Variants in PDE1C observed in about 807,000 individuals in gnomAD.
The protein encoded by PDE1C is phosphodiesterase 1C.
Under a neutral mutation model 93.1 loss-of-function variants are expected in PDE1C, and 62 were observed. The ratio of observed to expected loss-of-function variants is 0.67; its 90% CI spans 0.54 to 0.82. The LOEUF is 0.82. Among genes scored for constraint, PDE1C ranks in the 40% least tolerant of loss-of-function variants. PDE1C has a pLI of 0.00. For missense variants in PDE1C, 742 were observed against 884.6 expected (o/e 0.84, Z 2.04); for synonymous variants, 325 against 310.1 (o/e 1.05, Z -0.50).
At chr7:32,019,990 T>A (rs1421778243) in intron 2 of PDE1C, among the ~76,000 whole-genome samples, 2 of 152,014 alleles carry the variant, frequency 1.3e-5, no homozygotes, top group Non-Finnish European at 2.9e-5. Flanking sequence ...TCTGCAGAGA[T>A]GAGATGAAGC....
At chr7:31,668,383 A>G in the PDE1C span, among the ~76,000 whole-genome samples, 121,348 of 152,048 alleles carry the variant, frequency 0.8, 48,471 homozygotes, top group Admixed American at 0.84. Flanking sequence ...ATGTTCACAG[A>G]AGCAATACTC....
chr7:32,082,593 AG>A (rs1186684793), intron 3 of PDE1C, among the ~76,000 whole-genome samples: 3 of 152,204 alleles, frequency 2.0e-5, no homozygotes, highest in African/African-American at 4.8e-5. Flanking sequence ...CCTAACTGGG[AG>A]GCACCCCCCA....
intron 1 of PDE1C, among the ~76,000 whole-genome samples, chr7:32,062,140 A>C (rs763100111): frequency 2.0e-5 from 3 of 152,128 alleles, no homozygotes; most frequent in Non-Finnish European, 4.4e-5. Flanking sequence ...CACTCACGAC[A>C]AGACCTGCAA....
intron 2 of PDE1C, among the ~76,000 whole-genome samples, chr7:31,957,620 A>T (rs189650702): frequency 6.6e-6 from 1 of 151,648 alleles, no homozygotes; most frequent in East Asian, 1.9e-4. Context: ...ATATATCAAC[A>T]GTGTCATTTT....
chr7:32,144,243 A>G (rs140638184), intron 3 of PDE1C, among the ~76,000 whole-genome samples: 1 of 152,294 alleles, frequency 6.6e-6, no homozygotes, highest in East Asian at 1.9e-4. Context: ...GAAGCCACCA[A>G]GACTTTGTGT....
intron 3 of PDE1C, among the ~76,000 whole-genome samples, chr7:32,136,636 G>T (rs1342545856): frequency 6.6e-6 from 1 of 152,132 alleles, no homozygotes; most frequent in Non-Finnish European, 1.5e-5. Flanking sequence ...TTTACCAAAG[G>T]ACTATTTCTA....
chr7:32,420,032 C>A (rs1450246278), intron 1 of PDE1C, among the ~76,000 whole-genome samples: 1 of 140,212 alleles, frequency 7.1e-6, no homozygotes, highest in Non-Finnish European at 1.5e-5. Flanking sequence ...CAAGACCAGC[C>A]TGGCTAACAT....
At chr7:32,108,279 C>CA (rs1798449645) in intron 3 of PDE1C, among the ~76,000 whole-genome samples, 1 of 118,730 alleles carries the variant, frequency 8.4e-6, no homozygotes, top group African/African-American at 3.3e-5. Flanking sequence ...TCCACAACAA[C>CA]AAAAACAACA....
At chr7:32,046,213 T>TTA (rs1332908418) in intron 2 of PDE1C, among the ~76,000 whole-genome samples, 4 of 147,092 alleles carry the variant, frequency 2.7e-5, no homozygotes, top group African/African-American at 7.5e-5. Flanking sequence ...GCCTTTTTTT[T>TTA]AAAAAAAAAA....
chr7:31,656,698 A>G, the PDE1C span, among the ~76,000 whole-genome samples: 1 of 152,110 alleles, frequency 6.6e-6, no homozygotes, highest in African/African-American at 2.4e-5. Flanking sequence ...GTAAAAAGGG[A>G]CTTATTTGTG....
At chr7:31,774,004 G>A (rs182614916) in intron 17 of PDE1C, among the ~76,000 whole-genome samples, 9 of 152,272 alleles carry the variant, frequency 5.9e-5, no homozygotes, top group Admixed American at 4.6e-4. Flanking sequence ...AGGGTTATTC[G>A]GCGGATGTGG....
chr7:31,794,653 G>C (rs1785067009), intron 16 of PDE1C, among the ~76,000 whole-genome samples: 1 of 151,976 alleles, frequency 6.6e-6, no homozygotes, highest in Non-Finnish European at 1.5e-5. Flanking sequence ...ACTTTTAGCA[G>C]ACAAGTAAAA....
chr7:31,676,142 G>A, the PDE1C span, among the ~76,000 whole-genome samples: 17 of 152,282 alleles, frequency 1.1e-4, 1 homozygote, highest in African/African-American at 3.4e-4. Flanking sequence ...CAAGAGATAC[G>A]CCAGTGCAGC....
At chr7:32,371,822 A>C (rs1784340947) in intron 1 of PDE1C, among the ~76,000 whole-genome samples, 2 of 152,184 alleles carry the variant, frequency 1.3e-5, no homozygotes, top group Admixed American at 1.3e-4. Flanking sequence ...TTTTGCAGAA[A>C]TTAACAAGCT....
Position 32,323,430 on chromosome 7 carries a change from A to G in PDE1C, c.310+104392T>C, listed in dbSNP as rs138069563. Among the ~76,000 whole-genome samples the G allele has an allele frequency of 5.0e-3, 767 of 152,290 alleles. 5 individuals are homozygous for G. The highest frequency in any genetic ancestry group is 0.018 in the African/African-American group (738 of 41,564). ...CTAGCTCCAGCACCCCACCACAAGAAGTTCTTGCAGTGTGAATCAGAAACT... is the reference window on the plus strand; with the variant it reads ...CTAGCTCCAGCACCCCACCACAAGAGGTTCTTGCAGTGTGAATCAGAAACT... On this transcript the variant is annotated intron_variant, in intron 1 of 1. Coordinates refer to the PDE1C transcript ENST00000672256.
chr7:31,791,068 C>T (rs982463660), intron 16 of PDE1C, among the ~76,000 whole-genome samples: 1 of 152,110 alleles, frequency 6.6e-6, no homozygotes, highest in African/African-American at 2.4e-5. Flanking sequence ...CTATTATCTA[C>T]AGAGATGTTA....
intron 2 of PDE1C, among the ~76,000 whole-genome samples, chr7:31,969,774 A>C (rs1004289861): frequency 1.3e-5 from 2 of 152,246 alleles, no homozygotes; most frequent in Non-Finnish European, 2.9e-5. Flanking sequence ...TGGATTAAGA[A>C]AATGTGGCAC....
intron 16 of PDE1C, among the ~76,000 whole-genome samples, chr7:31,777,666 T>G (rs1352454820): frequency 6.6e-6 from 1 of 152,096 alleles, no homozygotes; most frequent in Non-Finnish European, 1.5e-5. Context: ...ATCCTGACAT[T>G]GTGTGACAAA....
Position 31,933,487 on chromosome 7 carries a change from C to T in PDE1C, c.129-52627G>A, listed in dbSNP as rs185451002. 2.5e-3 allele frequency among the ~76,000 whole-genome samples: 373 copies of T among 152,204 alleles called. 5 individuals carry two copies. The highest frequency in any genetic ancestry group is 8.4e-3 in the African/African-American group (350 of 41,534). On this transcript the variant is annotated intron_variant, in intron 2 of 17. Transcript: ENST00000396191. ...TGGAAGAAACTTTCTATTTAAATAA[C>T]AGGTTTTTACACCAACCACAGCTAA... is the stretch of plus-strand genomic sequence containing the variant.
Sources: gnomAD v4.1 joint callset for allele counts (sites outside exome capture counted in the v4.1 genomes callset) on GRCh38, gnomAD v4.1.1 for gene constraint, MANE v1.5 for transcripts, NCBI Gene and HGNC (gene_info 2026-07-23, HGNC 2026-07-21) for gene names.